Variants in MYO10 observed in about 807,000 individuals in gnomAD.
MYO10 encodes the protein unconventional myosin-X.
A neutral mutation model predicts 257.3 loss-of-function variants in MYO10; 133 were observed. The ratio of observed to expected loss-of-function variants is 0.52; its 90% confidence interval spans 0.45 to 0.60. MYO10 has a LOEUF of 0.60. MYO10 is among the 20% of genes least tolerant of loss of function. The pLI, the probability that MYO10 is intolerant of heterozygous loss-of-function variation, is 0.00. For synonymous variants in MYO10, 1,104 were observed against 1,028.6 expected (o/e 1.07, Z -1.40); for missense variants, 2,399 against 2,635.7 (o/e 0.91, Z 1.97).
intron 1 of MYO10, among the ~76,000 whole-genome samples, chr5:16,927,698 G>A (rs1746174671): frequency 6.6e-6 from 1 of 152,172 alleles, no homozygotes; most frequent in African/African-American, 2.4e-5. Flanking sequence ...GAGTCGGACT[G>A]GGTGAAGGTA....
Position 16,673,890 on chromosome 5 carries a change from C to T in MYO10, c.4965-1G>A. 2 of 1,613,602 alleles carry T rather than the reference C, an allele frequency of 1.2e-6. No individual in the cohort carries two copies. Among genetic ancestry groups the T allele is most frequent in the Non-Finnish European group, 1.7e-6 (2 of 1,179,660 alleles). ...GCTTCCTGGAAACTGTTCCCGTATC[C>T]TAGGAGGCAAACACTAACTGTTAAT... On this transcript the variant is annotated splice_acceptor_variant, in intron 35 of 40. Coordinates refer to ENST00000513610, the MANE Select transcript of MYO10 (RefSeq NM_012334.3). LOFTEE classifies it high-confidence loss of function.
At chr5:16,740,515 G>T (rs963553128) in intron 19 of MYO10, among the ~76,000 whole-genome samples, 1 of 152,034 alleles carries the variant, frequency 6.6e-6, no homozygotes, top group Non-Finnish European at 1.5e-5. Context: ...AAAATGCAGT[G>T]GTGGAAGCTG....
rs570675228 is a variant in MYO10, at chr5:16,859,500, C to T, written c.120+18109G>A. On this transcript the variant is annotated intron_variant, in intron 2 of 40. Transcript: ENST00000513610. ...GTGCAGGCACCTTATAATCCCAGTG[C>T]TTTGGGAGGCTGAGGCAGGAGGATC... 8.5e-5 allele frequency among the ~76,000 whole-genome samples: 13 copies of T among 152,256 alleles called. 1 individual carries two copies. The South Asian group carries it at 2.1e-3, about 24-fold the overall frequency.
intron 19 of MYO10, among the ~76,000 whole-genome samples, chr5:16,738,619 A>G (rs976775675): frequency 2.0e-5 from 3 of 152,074 alleles, no homozygotes; most frequent in African/African-American, 7.2e-5. Context: ...GAGGCCGAGC[A>G]TGGTGACTCA....
At chr5:16,751,227 G>A (rs942928872) in intron 19 of MYO10, among the ~76,000 whole-genome samples, 1 of 152,006 alleles carries the variant, frequency 6.6e-6, no homozygotes. Flanking sequence ...GATTTTTCCT[G>A]CGAAATTTCT....
At chr5:16,813,175 G>A (rs896492976) in intron 3 of MYO10, among the ~76,000 whole-genome samples, 8 of 151,940 alleles carry the variant, frequency 5.3e-5, no homozygotes, top group Admixed American at 3.9e-4. Context: ...ACATCCAGAC[G>A]CCAGCAGGGG....
At chr5:16,860,311 G>T (rs1017219634) in intron 2 of MYO10, among the ~76,000 whole-genome samples, 28 of 152,242 alleles carry the variant, frequency 1.8e-4, no homozygotes, top group African/African-American at 6.7e-4. Context: ...CAAATAAGTG[G>T]AAAGTTTGGG....
intron 19 of MYO10, among the ~76,000 whole-genome samples, chr5:16,750,336 C>T (rs897376699): frequency 6.6e-6 from 1 of 151,898 alleles, no homozygotes; most frequent in African/African-American, 2.4e-5. Context: ...TTGACATATG[C>T]GTTCAGCATT....
chr5:16,672,765 A>G lies in MYO10; in HGVS notation c.5233T>C (p.Phe1745Leu). ...TTGTCGACGTGGCCGTTGTATTCAA[A>G]CAAAGCAAACATGTTCCTGCTGTCC... The part of the protein sequence containing the change: ...MEDSRNMFAL[F>L]EYNGHVDKAI... Residue 1745 changes from phenylalanine (F) to leucine (L), a missense_variant, in exon 37 of 41, where the codon TTT becomes CTT. Coordinates refer to ENST00000513610, the MANE Select transcript of MYO10 (RefSeq NM_012334.3). 1 of 1,613,986 alleles carries G rather than the reference A, an allele frequency of 6.2e-7. No individual in the cohort carries two copies. Among genetic ancestry groups the G allele is most frequent in the Non-Finnish European group, 8.5e-7 (1 of 1,179,870 alleles).
chr5:16,783,769 G>A (rs1247654689), intron 4 of MYO10, among the ~76,000 whole-genome samples: 1 of 152,244 alleles, frequency 6.6e-6, no homozygotes, highest in East Asian at 1.9e-4. Context: ...CTCTGGGAAA[G>A]AGGGATCTTC....
chr5:16,763,726 GT>G lies in MYO10; in HGVS notation c.1355del (p.Asn452ThrfsTer18). On this transcript the variant is annotated frameshift_variant, in exon 13 of 41. Coordinates refer to ENST00000513610, the MANE Select transcript of MYO10 (RefSeq NM_012334.3). LOFTEE classifies it high-confidence loss of function. ...EVNHFEQFNINYANEKLQEYF... is the reference protein window; with the variant it reads ...EVNHFEQFNIXYANEKLQEYF... ...ACTCCTGAAGTTTCTCGTTTGCATAGTTTATATTGAACTGTTCAAAGTGATT... is the reference window on the plus strand; with the variant it reads ...ACTCCTGAAGTTTCTCGTTTGCATAGTTATATTGAACTGTTCAAAGTGATT... 1 of 1,606,926 alleles carries G rather than the reference GT, an allele frequency of 6.2e-7. No homozygotes were observed. The highest frequency in any genetic ancestry group is 8.5e-7 in the Non-Finnish European group (1 of 1,174,430).
At chr5:16,767,018 C>T (rs1245039718) in intron 10 of MYO10, among the ~76,000 whole-genome samples, 1 of 151,944 alleles carries the variant, frequency 6.6e-6, no homozygotes, top group Non-Finnish European at 1.5e-5. Context: ...AGCCACCATG[C>T]CCGGCCTACT....
chr5:16,846,627 AGGTGGGAAAGGTCAT>A (rs2126731743), intron 2 of MYO10, among the ~76,000 whole-genome samples: 1 of 152,336 alleles, frequency 6.6e-6, no homozygotes, highest in South Asian at 2.1e-4. Flanking sequence ...TGGTAGCAAA[AGGTGGGAAAGGTCAT>A]CATCATCGTT....
At chr5:16,886,495 G>A (rs1292894487) in intron 1 of MYO10, among the ~76,000 whole-genome samples, 1 of 152,172 alleles carries the variant, frequency 6.6e-6, no homozygotes, top group Non-Finnish European at 1.5e-5. Flanking sequence ...TGCCAGAAGT[G>A]TTGGGTAACT....
rs528858399 is a variant in MYO10 at position 16,823,628 on chromosome 5, C to T, written c.121-5461G>A. On this transcript the variant is annotated intron_variant, in intron 2 of 40. Coordinates refer to ENST00000513610, the MANE Select transcript of MYO10 (RefSeq NM_012334.3). ...CTGGGACTACAGGCGCCCGCCACCACGCCCAGCTCATTTTTTTTGTATTTT... is the reference window on the plus strand; with the variant it reads ...CTGGGACTACAGGCGCCCGCCACCATGCCCAGCTCATTTTTTTTGTATTTT... Among the ~76,000 whole-genome samples, 1,212 of 150,946 alleles carry T rather than the reference C, an allele frequency of 8.0e-3. 10 individuals are homozygous for T. Among genetic ancestry groups the T allele is most frequent in the Non-Finnish European group, 8.3e-3 (565 of 67,710 alleles).
intron 19 of MYO10, among the ~76,000 whole-genome samples, chr5:16,719,048 GAA>G (rs986886438): frequency 1.3e-5 from 2 of 150,646 alleles, no homozygotes; most frequent in Admixed American, 1.3e-4. Context: ...CCACACTGTG[GAA>G]GCTTTGTTCT....
chr5:16,729,451 C>CTT (rs1331507610), intron 19 of MYO10, among the ~76,000 whole-genome samples: 8 of 150,118 alleles, frequency 5.3e-5, no homozygotes, highest in African/African-American at 1.7e-4. Context: ...GTTGTATTTT[C>CTT]TATTTTTTTT....
chr5:16,833,461 C>T (rs985081224), intron 2 of MYO10, among the ~76,000 whole-genome samples: 12 of 152,246 alleles, frequency 7.9e-5, no homozygotes, highest in African/African-American at 2.6e-4. Context: ...ATTTGCCCAC[C>T]TCAGCCTCCC....
chr5:16,702,634 G>A (rs971115243), intron 23 of MYO10, 46 bp from the exon 24 acceptor site: 2 of 1,526,174 alleles, frequency 1.3e-6, no homozygotes, highest in African/African-American at 1.4e-5. Context: ...AATAACCCTG[G>A]AACCACTTTT....
Sources: allele counts gnomAD v4.1 joint callset (sites outside exome capture counted in the v4.1 genomes callset), GRCh38; gene constraint gnomAD v4.1.1; transcripts MANE v1.5; gene names NCBI Gene and HGNC (gene_info 2026-07-23, HGNC 2026-07-21).